PKD1L3: variants seen among roughly 807,000 people sequenced by gnomAD.
PKD1L3 encodes polycystin-1-like protein 3.
A neutral mutation model predicts 184.1 loss-of-function variants in PKD1L3; 239 were observed. That is an observed-to-expected ratio of 1.30 (90% CI 1.17 to 1.45). The LOEUF (loss-of-function observed/expected upper bound fraction) is 1.45. Among genes scored for constraint, PKD1L3 ranks in the 40% most tolerant of loss-of-function variants. The probability of loss-of-function intolerance (pLI) is 0.00; values close to 1 mark genes in which losing one functional copy is unlikely to be tolerated. For missense variants in PKD1L3, 2,660 were observed against 2,067.2 expected (o/e 1.29, Z -5.56); for synonymous variants, 996 against 778.8 (o/e 1.28, Z -4.64).
At chr16:71,999,573 C>T (rs2040899884) in intron 1 of PKD1L3, 111 bp downstream of exon 1, 3 of 1,062,468 alleles carry the variant, frequency 2.8e-6, no homozygotes, top group Non-Finnish European at 3.8e-6. Context: ...AGTAAAGTGA[C>T]TGGTTTTTCT....
At position 71,963,267 on chromosome 16, in the gene PKD1L3, G is replaced by A. The variant is rs769968831; in HGVS notation, c.2550C>T (p.Leu850=). ...AGACCCGGTCAAGCTCACAGTCTCCGAGGTCCACAGCCAGCCAGCAATTGC... is the reference window on the plus strand; with the variant it reads ...AGACCCGGTCAAGCTCACAGTCTCCAAGGTCCACAGCCAGCCAGCAATTGC... ...FLCNCWLAVD[L]GDCELDRVFI... The change falls in exon 16 of 30, where the codon CTC becomes CTT. Residue 850 remains leucine (L), a synonymous_variant. Coordinates refer to ENST00000620267, the MANE Select transcript of PKD1L3 (RefSeq NM_181536.2). 32 of 1,551,372 alleles carry A rather than the reference G, an allele frequency of 2.1e-5. No individual in the cohort carries two copies. Among genetic ancestry groups the A allele is most frequent in the African/African-American group, 5.5e-5 (4 of 73,032 alleles).
intron 3 of PKD1L3, 87 bp from the exon 4 acceptor site, chr16:71,990,416 A>G: frequency 1.8e-6 from 2 of 1,135,384 alleles, no homozygotes; most frequent in South Asian, 1.4e-5. Flanking sequence ...ATTCATGGCT[A>G]AAAATAATGC....
Position 71,950,308 on chromosome 16 carries a change from C to A in PKD1L3, c.3193G>T (p.Val1065Phe). ...QQGERHWARV[V>F]PENHHHFCCY... ...CAGAAATGATGGTGGTTTTCAGGAA[C>A]AACTGAAAATATATTTCAAGTTGAC... The change falls in exon 20 of 30, where the codon GTT (valine) becomes TTT (phenylalanine). Residue 1065 changes from valine to phenylalanine, a missense_variant and splice_region_variant. Physicochemically the swap from Val to Phe is conservative, Grantham distance 50. Coordinates refer to ENST00000620267, the MANE Select transcript of PKD1L3 (RefSeq NM_181536.2). The A allele has an allele frequency of 1.3e-6, 2 of 1,516,164 alleles. No homozygotes were observed. The highest frequency in any genetic ancestry group is 1.8e-6 in the Non-Finnish European group (2 of 1,126,938). The allele number at this position is 1,516,164 out of a possible 1,614,324, so 93.9% of individuals were successfully genotyped here.
intron 15 of PKD1L3, among the ~76,000 whole-genome samples, chr16:71,964,605 C>G (rs1007758072): frequency 6.6e-6 from 1 of 151,842 alleles, no homozygotes; most frequent in African/African-American, 2.4e-5. Flanking sequence ...TCCCAAAGTG[C>G]TGGGATCACA....
chr16:71,949,075 G>C (rs1387486651), intron 21 of PKD1L3, among the ~76,000 whole-genome samples: 1 of 152,124 alleles, frequency 6.6e-6, no homozygotes, highest in African/African-American at 2.4e-5. Flanking sequence ...AATAATAGAT[G>C]AAACAAATTG....
rs541011969 is a variant in PKD1L3 at position 71,963,232 on chromosome 16, A to G, written c.2585T>C (p.Val862Ala). ...DCELDRVFIP[V>A]SKRELFSFRH... ...AAAGGAAAAGAGCTCTCTCTTTGAA[A>G]CTGGGATGAAGACCCGGTCAAGCTC... The change falls in exon 16 of 30, where the codon GTT becomes GCT. Residue 862 changes from valine to alanine, a missense_variant. Physicochemically the swap from Val to Ala is moderately conservative, Grantham distance 64. Transcript: ENST00000620267. 1 of 1,551,014 alleles carries G rather than the reference A, an allele frequency of 6.4e-7. No homozygotes were observed. Among genetic ancestry groups the G allele is most frequent in the Non-Finnish European group, 8.7e-7 (1 of 1,146,658 alleles).
intron 15 of PKD1L3, among the ~76,000 whole-genome samples, chr16:71,966,062 G>C (rs1471431615): frequency 6.6e-6 from 1 of 151,994 alleles, no homozygotes; most frequent in African/African-American, 2.4e-5. Context: ...GGCTCTACCA[G>C]CCCAGTGGCT....
Position 71,942,943 on chromosome 16 carries a change from A to G in PKD1L3, c.3941T>C (p.Ile1314Thr). ...NSNRFYLHQAIWKTFSHQFSE... is the reference protein window; with the variant it reads ...NSNRFYLHQATWKTFSHQFSE... ...GAACTGGTGCGAAAATGTCTTCCAGATAGCTTGGTGGAGGTAAAATCTATT... is the reference window on the plus strand; with the variant it reads ...GAACTGGTGCGAAAATGTCTTCCAGGTAGCTTGGTGGAGGTAAAATCTATT... The change falls in exon 24 of 30, where the codon ATC (isoleucine) becomes ACC (threonine). Residue 1314 changes from isoleucine (I) to threonine (T), a missense_variant. Transcript: ENST00000620267. The G allele has an allele frequency of 1.3e-6, 2 of 1,551,606 alleles. No individual in the cohort carries two copies. Among genetic ancestry groups the G allele is most frequent in the South Asian group, 2.4e-5 (2 of 84,058 alleles).
chr16:71,946,752 T>G (rs963710911), intron 22 of PKD1L3, among the ~76,000 whole-genome samples: 1 of 55,626 alleles, frequency 1.8e-5, no homozygotes, highest in Non-Finnish European at 3.4e-5. Context: ...TTTGACATAC[T>G]TGGAGGCATC....
chr16:71,998,112 A>G (rs1158405565), intron 2 of PKD1L3, among the ~76,000 whole-genome samples, 160 bp downstream of exon 2: 1 of 152,212 alleles, frequency 6.6e-6, no homozygotes, highest in Non-Finnish European at 1.5e-5. Flanking sequence ...CACTCCAGAT[A>G]ATTTTCTCAT....
chr16:71,997,101 C>G (rs914893115), intron 2 of PKD1L3, among the ~76,000 whole-genome samples: 4 of 151,970 alleles, frequency 2.6e-5, no homozygotes, highest in Admixed American at 2.6e-4. Context: ...AACAGTATGA[C>G]TGCTATGGCT....
rs753138849 is a variant in PKD1L3 at position 71,982,229 on chromosome 16, G to C, written c.973C>G (p.Leu325Val). ...CTCAGGTAAATAAGGGAATTGATGAGATTAACCTGGGAGGATTAGAAAGCA... is the reference window on the plus strand; with the variant it reads ...CTCAGGTAAATAAGGGAATTGATGACATTAACCTGGGAGGATTAGAAAGCA... The part of the protein sequence containing the change: ...PRFSKPAQVN[L>V]INSLIYLSEE... The change falls in exon 7 of 30, where the codon CTC becomes GTC. Residue 325 changes from leucine to valine, a missense_variant. Physicochemically the swap from Leu to Val is conservative, Grantham distance 32. Transcript: ENST00000620267. 2.1e-6 allele frequency: 3 copies of C among 1,413,984 alleles called. No homozygotes were observed. Among genetic ancestry groups the C allele is most frequent in the East Asian group, 3.1e-5 (1 of 32,054 alleles). 87.6% of individuals were successfully genotyped at this position (1,413,984 alleles called of 1,614,324 possible).
At chr16:71,996,472 G>A (rs766235248) in intron 2 of PKD1L3, among the ~76,000 whole-genome samples, 3 of 152,018 alleles carry the variant, frequency 2.0e-5, no homozygotes, top group Admixed American at 2.0e-4. Context: ...ATGTTGGCCA[G>A]GATGGTCTCA....
At chr16:71,950,341 C>G (rs1383759890) in intron 19 of PKD1L3, 31 bp from the exon 20 acceptor site, 2 of 1,486,502 alleles carry the variant, frequency 1.3e-6, no homozygotes, top group Non-Finnish European at 1.8e-6. Flanking sequence ...GACACTTTCA[C>G]AAGTGGATTT....
intron 11 of PKD1L3, among the ~76,000 whole-genome samples, chr16:71,975,394 C>G (rs767809706): frequency 3.9e-5 from 6 of 152,014 alleles, no homozygotes; most frequent in Non-Finnish European, 8.8e-5. Context: ...CTCAGAAATT[C>G]TTAACTTTTC....
At chr16:71,948,429 C>G (rs1159848804) in intron 21 of PKD1L3, among the ~76,000 whole-genome samples, 1 of 152,074 alleles carries the variant, frequency 6.6e-6, no homozygotes, top group Non-Finnish European at 1.5e-5. Context: ...CTGTGTTGAC[C>G]AGGTTGGTCT....
chr16:71,938,295 C>T (rs952098210), intron 24 of PKD1L3, among the ~76,000 whole-genome samples: 5 of 152,374 alleles, frequency 3.3e-5, no homozygotes, highest in African/African-American at 4.8e-5. Context: ...CCTACTGCCT[C>T]GGCCTTCTCC....
chr16:71,994,450 C>T (rs2040708081), intron 2 of PKD1L3, among the ~76,000 whole-genome samples: 1 of 152,182 alleles, frequency 6.6e-6, no homozygotes, highest in African/African-American at 2.4e-5. Context: ...AATGCCTTCT[C>T]TCATGCTGCT....
intron 19 of PKD1L3, 134 bp downstream of exon 19, chr16:71,951,430 A>C: frequency 2.1e-5 from 17 of 825,766 alleles, no homozygotes; most frequent in Non-Finnish European, 3.0e-5. Flanking sequence ...ACTCTATACT[A>C]GAAGCTTAAG....
Sources: allele counts gnomAD v4.1 joint callset (sites outside exome capture counted in the v4.1 genomes callset), GRCh38; gene constraint gnomAD v4.1.1; transcripts MANE v1.5; gene names NCBI Gene and HGNC (gene_info 2026-07-23, HGNC 2026-07-21).